Variants in QTMAN observed in about 807,000 individuals in gnomAD.
QTMAN encodes tRNA-queuosine alpha-mannosyltransferase.
At chr2:144,055,334 GACAC>G in the QTMAN span, among the ~76,000 whole-genome samples, 1,124 of 132,776 alleles carry the variant, frequency 8.5e-3, 9 homozygotes, top group African/African-American at 0.012. Flanking sequence ...CAGACACACA[GACAC>G]ACACACACAC....
the QTMAN span, among the ~76,000 whole-genome samples, chr2:144,228,216 C>G: frequency 3.3e-5 from 5 of 152,130 alleles, no homozygotes; most frequent in Non-Finnish European, 7.3e-5. Flanking sequence ...AGATTTTCTA[C>G]TACTTGGAGC....
chr2:144,141,015 G>A, the QTMAN span, among the ~76,000 whole-genome samples: 843 of 152,118 alleles, frequency 5.5e-3, 3 homozygotes, highest in Non-Finnish European at 9.2e-3. Flanking sequence ...GTAGAACACA[G>A]AAGTTAATGC....
chr2:144,325,880 T>C, the QTMAN span, among the ~76,000 whole-genome samples: 4 of 152,232 alleles, frequency 2.6e-5, no homozygotes, highest in Non-Finnish European at 5.9e-5. Flanking sequence ...TTTGCATTAC[T>C]TGTTACAGAC....
the QTMAN span, among the ~76,000 whole-genome samples, chr2:144,232,753 A>G: frequency 2.6e-5 from 4 of 152,168 alleles, no homozygotes. Flanking sequence ...GCTTAATACA[A>G]CAGAAAACAT....
chr2:144,234,238 G>A, the QTMAN span, among the ~76,000 whole-genome samples: 12 of 152,180 alleles, frequency 7.9e-5, no homozygotes, highest in Admixed American at 6.6e-4. Flanking sequence ...CAGGAAAACC[G>A]TCTCTTCAAT....
At chr2:144,165,109 C>T in the QTMAN span, among the ~76,000 whole-genome samples, 5 of 152,114 alleles carry the variant, frequency 3.3e-5, no homozygotes, top group African/African-American at 9.7e-5. Context: ...CGGTGGCTCA[C>T]GACTGTAATC....
chr2:143,995,168 G>T, the QTMAN span, among the ~76,000 whole-genome samples: 1 of 152,130 alleles, frequency 6.6e-6, no homozygotes, highest in Non-Finnish European at 1.5e-5. Context: ...ACATTTGGTA[G>T]CCTTTTATAG....
At chr2:144,029,597 T>C in the QTMAN span, among the ~76,000 whole-genome samples, 1 of 152,150 alleles carries the variant, frequency 6.6e-6, no homozygotes, top group Non-Finnish European at 1.5e-5. Flanking sequence ...TTGAGGAATA[T>C]TATTCAAATT....
the QTMAN span, among the ~76,000 whole-genome samples, chr2:144,274,005 G>A: frequency 6.6e-6 from 1 of 152,126 alleles, no homozygotes; most frequent in East Asian, 1.9e-4. Flanking sequence ...GTGATGGCAC[G>A]CACCTGTAGA....
chr2:143,951,865 C>T, the QTMAN span: 1 of 598,250 alleles, frequency 1.7e-6, no homozygotes, highest in East Asian at 2.8e-5. Context: ...CAACTAATAT[C>T]CCTCCCTAGC....
the QTMAN span, among the ~76,000 whole-genome samples, chr2:143,993,291 A>G: frequency 2.6e-5 from 4 of 152,196 alleles, no homozygotes; most frequent in Non-Finnish European, 4.4e-5. Flanking sequence ...GAACAAATGA[A>G]TAACTTCATA....
chr2:144,223,431 C>T, the QTMAN span, among the ~76,000 whole-genome samples: 1 of 152,100 alleles, frequency 6.6e-6, no homozygotes, highest in South Asian at 2.1e-4. Flanking sequence ...CTTAGGAAAG[C>T]ACCATGTGGC....
At chr2:144,318,232 C>CA in the QTMAN span, among the ~76,000 whole-genome samples, 1 of 150,640 alleles carries the variant, frequency 6.6e-6, no homozygotes, top group African/African-American at 2.4e-5. Flanking sequence ...CACACACACA[C>CA]AAATTGTGGT....
At chr2:144,162,745 G>A in the QTMAN span, among the ~76,000 whole-genome samples, 1 of 152,104 alleles carries the variant, frequency 6.6e-6, no homozygotes, top group Non-Finnish European at 1.5e-5. Context: ...CTGTGCGGAC[G>A]AATTCCAGGT....
the QTMAN span, chr2:144,178,683 C>T: frequency 4.1e-6 from 1 of 244,444 alleles, no homozygotes; most frequent in Non-Finnish European, 8.1e-6. Flanking sequence ...TACCCTATAC[C>T]ATAATGCTAT....
At chr2:144,035,902 A>C in the QTMAN span, among the ~76,000 whole-genome samples, 1 of 152,182 alleles carries the variant, frequency 6.6e-6, no homozygotes, top group East Asian at 1.9e-4. Context: ...CTGCAAAGAA[A>C]TGGGCATTTG....
At chr2:144,218,915 T>TA in the QTMAN span, among the ~76,000 whole-genome samples, 2,575 of 54,344 alleles carry the variant, frequency 0.047, 56 homozygotes, top group East Asian at 0.062. Context: ...GGAAAGTATC[T>TA]AAAAAAAAAA....
the QTMAN span, among the ~76,000 whole-genome samples, chr2:144,112,611 G>T: frequency 2.0e-5 from 3 of 152,158 alleles, no homozygotes; most frequent in African/African-American, 7.2e-5. Flanking sequence ...CAACACCATG[G>T]CGAAAACCAC....
the QTMAN span, among the ~76,000 whole-genome samples, chr2:144,175,861 C>T: frequency 6.6e-6 from 1 of 152,062 alleles, no homozygotes; most frequent in African/African-American, 2.4e-5. Flanking sequence ...AACGTGGTTT[C>T]ACCAGGTTGG....
Sources: gnomAD v4.1 joint callset for allele counts (sites outside exome capture counted in the v4.1 genomes callset) on GRCh38, gnomAD v4.1.1 for gene constraint, MANE v1.5 for transcripts, NCBI Gene and HGNC (gene_info 2026-07-23, HGNC 2026-07-21) for gene names.